LILRA4: variants seen among roughly 807,000 people sequenced by gnomAD.
The protein encoded by LILRA4 is leukocyte immunoglobulin-like receptor subfamily A member 4.
In LILRA4, 51 loss-of-function variants were observed where a neutral mutation model predicts 49.5. The observed-to-expected ratio is 1.03, with a 90% confidence interval of 0.82 to 1.30. The LOEUF is 1.30. Among genes scored for constraint, LILRA4 ranks in the 50% most tolerant of loss-of-function variants. The pLI, the probability that LILRA4 is intolerant of heterozygous loss-of-function variation, is 0.00. For missense variants in LILRA4, 624 were observed against 625.6 expected, an observed-to-expected ratio of 1.00 and a Z score of 0.03; for synonymous variants, 272 against 265.6, an observed-to-expected ratio of 1.02 and a Z score of -0.23.
In LILRA4 at chr19:54,333,545, C is replaced by T. The variant is rs1358646650; in HGVS notation, c.*27G>A. The T allele has an allele frequency of 1.9e-6, 3 of 1,609,104 alleles. No individual in the cohort carries two copies. Among genetic ancestry groups the T allele is most frequent in the Non-Finnish European group, 1.7e-6 (2 of 1,176,854 alleles). ...AGCAGACACTTCCCCAACTGCTGCC[C>T]CAGTCTTCCAGAACCTCCTCAGATC... On this transcript the variant is annotated 3_prime_UTR_variant, in exon 8 of 8. Transcript: ENST00000291759.
At chr19:54,338,332 G>A in intron 3 of LILRA4, 64 bp downstream of exon 3, 1 of 1,604,600 alleles carries the variant, frequency 6.2e-7, no homozygotes, top group Non-Finnish European at 8.5e-7. Context: ...CCCCTCGAGA[G>A]CTGAGAGCCG....
At chr19:54,337,732 G>C in intron 4 of LILRA4, 36 bp from the exon 5 acceptor site, 1 of 1,593,274 alleles carries the variant, frequency 6.3e-7, no homozygotes, top group Non-Finnish European at 8.5e-7. Context: ...CGGAGCGGCT[G>C]GTTCCTCCTG....
intron 6 of LILRA4, chr19:54,335,373 C>G (rs1216596434): frequency 2.6e-5 from 4 of 153,046 alleles, no homozygotes; most frequent in Admixed American, 6.5e-5. Context: ...GCTTTCCCTC[C>G]GCCTTCTGCC....
chr19:54,337,879 C>G (rs2081347935), intron 4 of LILRA4, 57 bp downstream of exon 4: 3 of 1,551,064 alleles, frequency 1.9e-6, no homozygotes, highest in South Asian at 1.2e-5. Flanking sequence ...GGGTAAGGCT[C>G]CCAACAGCTC....
chr19:54,336,712 G>C, intron 6 of LILRA4, 129 bp downstream of exon 6: 1 of 1,403,570 alleles, frequency 7.1e-7, no homozygotes, highest in Non-Finnish European at 9.6e-7. Context: ...GGCTCACAAA[G>C]GCCGGGGCTG....
rs753655161 is a variant in LILRA4, at chr19:54,339,111, G to T, written c.-18C>A. 1 of 1,614,090 alleles carries T rather than the reference G, an allele frequency of 6.2e-7. No homozygotes were observed. Among genetic ancestry groups the T allele is most frequent in the South Asian group, 1.1e-5 (1 of 91,086 alleles). On this transcript the variant is annotated 5_prime_UTR_variant, in exon 1 of 8. Coordinates refer to ENST00000291759, the MANE Select transcript of LILRA4 (RefSeq NM_012276.5). The stretch of plus-strand genomic sequence containing the variant: ...AGGGTCATGGCATCTCCTCCTCCTG[G>T]CCCTGGCTGTGCAGGCAGGTGTGGC...
chr19:54,338,021 C>T lies in LILRA4; in HGVS notation c.570G>A (p.Arg190=). 6.2e-7 allele frequency: 1 copy of T among 1,614,042 alleles called. No homozygotes were observed. Among genetic ancestry groups the T allele is most frequent in the Non-Finnish European group, 8.5e-7 (1 of 1,179,994 alleles). The stretch of plus-strand genomic sequence containing the variant: ...CATAGCCGTAGCATCTGAATGTACC[C>T]CTGTTGCTGAAGGTCAGGGGGCCCA... ...FPMGPLTFSN[R]GTFRCYGYEN... is the part of the protein sequence containing the mutation. Residue 190 remains arginine (R), a synonymous_variant, in exon 4 of 8, where the codon AGG becomes AGA. Transcript: ENST00000291759.
chr19:54,336,683 T>C, intron 6 of LILRA4, 158 bp downstream of exon 6: 1 of 1,167,560 alleles, frequency 8.6e-7, no homozygotes, highest in South Asian at 1.6e-5. Flanking sequence ...GGGCAGGGCC[T>C]GAGCTGAGAG....
intron 4 of LILRA4, 83 bp downstream of exon 4, chr19:54,337,853 G>C (rs886904133): frequency 6.7e-7 from 1 of 1,481,542 alleles, no homozygotes; most frequent in Non-Finnish European, 9.1e-7. Context: ...TTTTCTTCTT[G>C]CGTGGGCTAG....
intron 6 of LILRA4, chr19:54,336,306 G>C (rs2081322928): frequency 5.9e-6 from 1 of 170,478 alleles, no homozygotes; most frequent in Non-Finnish European, 1.3e-5. Flanking sequence ...TACTGGGTCA[G>C]AGTAACTGCG....
rs372916686 is a variant in LILRA4, at chr19:54,337,743, C to A, written c.656-47G>T. ...GACTCGGAGCGGCTGGTTCCTCCTG[C>A]GCCCCTTCCTTCTGTAGCCTTCCTC... On this transcript the variant is annotated intron_variant, in intron 4 of 7. Transcript: ENST00000291759. 6 of 1,575,126 alleles carry A rather than the reference C, an allele frequency of 3.8e-6. No individual in the cohort carries two copies. In the African/African-American group the frequency reaches 8.2e-5, roughly 21 times the overall value.
Position 54,337,137 on chromosome 19 carries a change from A to G in LILRA4, c.959T>C (p.Ile320Thr), listed in dbSNP as rs1555926150. The change falls in exon 6 of 8, where the codon ATC becomes ACC. Residue 320 changes from isoleucine to threonine, a missense_variant. Transcript: ENST00000291759. ...CACTGAGAGGGAGGGTCTGTCAGAG[A>G]TCTGTCCTGGAGAAAAGAAGGACGG... ...DPLDILIAGQ[I>T]SDRPSLSVQP... The G allele has an allele frequency of 5.6e-6, 9 of 1,612,360 alleles. No homozygotes were observed. The South Asian group carries it at 9.9e-5, about 18-fold the overall frequency.
In LILRA4 at chr19:54,333,645, C is replaced by G; in HGVS notation, c.1427G>C (p.Arg476Thr). ...TCTGCTGTTTGCCTCCTGGCTGCAC[C>G]TTGGGGGGCTTCTCTGGCTGTGCTG... is the stretch of plus-strand genomic sequence containing the variant. ...EAQHSQRSPPRCSQEANSRKD... is the reference protein window; with the variant it reads ...EAQHSQRSPPTCSQEANSRKD... The change falls in exon 8 of 8, where the codon AGG becomes ACG. Residue 476 changes from arginine (R) to threonine (T), a missense_variant. Coordinates refer to ENST00000291759, the MANE Select transcript of LILRA4 (RefSeq NM_012276.5). The G allele has an allele frequency of 6.2e-7, 1 of 1,614,144 alleles. No homozygotes were observed. The highest frequency in any genetic ancestry group is 8.5e-7 in the Non-Finnish European group (1 of 1,180,018).
chr19:54,337,988 G>A lies in LILRA4; in HGVS notation c.603C>T (p.Asn201=). Residue 201 remains asparagine, a synonymous_variant, in exon 4 of 8, where the codon AAC becomes AAT. Coordinates refer to ENST00000291759, the MANE Select transcript of LILRA4 (RefSeq NM_012276.5). ...GTFRCYGYEN[N]TPYVWSEPSD... is the part of the protein sequence containing the mutation. ...TGGGTTCCGACCACACGTATGGGGTGTTGTTTTCATAGCCGTAGCATCTGA... is the reference window on the plus strand; with the variant it reads ...TGGGTTCCGACCACACGTATGGGGTATTGTTTTCATAGCCGTAGCATCTGA... 1 of 1,613,920 alleles carries A rather than the reference G, an allele frequency of 6.2e-7. No homozygotes were observed. Among genetic ancestry groups the A allele is most frequent in the Non-Finnish European group, 8.5e-7 (1 of 1,179,980 alleles).
In LILRA4 at chr19:54,335,384, A is replaced by G. The variant is rs117916713; in HGVS notation, c.1256-1419T>C. The G allele has an allele frequency of 4.2e-3, 651 of 153,182 alleles. 7 individuals are homozygous for G. In the South Asian group the frequency reaches 0.043, roughly 10 times the overall value. 9.5% of individuals were successfully genotyped at this position (153,182 alleles called of 1,614,324 possible). On this transcript the variant is annotated intron_variant, in intron 6 of 7. Coordinates refer to ENST00000291759, the MANE Select transcript of LILRA4 (RefSeq NM_012276.5). The stretch of plus-strand genomic sequence containing the variant: ...TCCTGCTTTCCCTCCGCCTTCTGCC[A>G]TGATTGTAAGTTTCCCGAGGCCTCC...
intron 6 of LILRA4, 114 bp from the exon 7 acceptor site, chr19:54,334,079 A>T: frequency 1.2e-6 from 1 of 843,678 alleles, no homozygotes; most frequent in Non-Finnish European, 1.9e-6. Context: ...ATCCTTAGTG[A>T]ACACATTCTC....
intron 5 of LILRA4, 68 bp downstream of exon 5, chr19:54,337,332 C>T: frequency 6.3e-7 from 1 of 1,585,598 alleles, no homozygotes; most frequent in East Asian, 2.2e-5. Context: ...GCCATCACCA[C>T]CTGGGCTCCC....
At chr19:54,336,793 T>G in intron 6 of LILRA4, 48 bp downstream of exon 6, 1 of 1,576,100 alleles carries the variant, frequency 6.3e-7, no homozygotes, top group South Asian at 1.1e-5. Context: ...CCTTTTTCAT[T>G]TCCAAGAACC....
intron 6 of LILRA4, chr19:54,334,197 C>G (rs1444534284): frequency 1.9e-6 from 1 of 536,582 alleles, no homozygotes; most frequent in Non-Finnish European, 3.3e-6. Context: ...TTACTTGAGC[C>G]CAGGAGCTCA....
Sources: allele counts gnomAD v4.1 joint callset, GRCh38; gene constraint gnomAD v4.1.1; transcripts MANE v1.5; gene names NCBI Gene and HGNC (gene_info 2026-07-23, HGNC 2026-07-21).